EGLN3: variants seen among roughly 807,000 people sequenced by gnomAD.
EGLN3 encodes prolyl hydroxylase EGLN3.
EGLN3 carries 15 observed loss-of-function variants against 26.0 expected under a neutral mutation model. That is an observed-to-expected ratio of 0.58 (90% CI 0.39 to 0.89). The LOEUF is 0.89. Ranked by LOEUF, EGLN3 falls within the 40% of genes least tolerant of loss-of-function variation. The probability of loss-of-function intolerance (pLI) is 0.00; values close to 1 mark genes in which losing one functional copy is unlikely to be tolerated. For synonymous variants in EGLN3, 147 were observed against 127.2 expected (o/e 1.16, Z -1.05); for missense variants, 238 against 311.6 (o/e 0.76, Z 1.78).
chr14:33,942,804 A>G (rs2064492360), intron 1 of EGLN3, among the ~76,000 whole-genome samples: 1 of 152,260 alleles, frequency 6.6e-6, no homozygotes, highest in Non-Finnish European at 1.5e-5. Flanking sequence ...AATGTTTAAT[A>G]TAAGATAGGC....
intron 1 of EGLN3, among the ~76,000 whole-genome samples, chr14:33,939,192 G>T (rs946899163): frequency 6.6e-6 from 1 of 151,094 alleles, no homozygotes; most frequent in Non-Finnish European, 1.5e-5. Flanking sequence ...CATGAAAAAT[G>T]CCTTGAAACA....
intron 3 of EGLN3, 28 bp downstream of exon 3, chr14:33,929,048 G>A (rs1348720311): frequency 6.2e-7 from 1 of 1,611,192 alleles, no homozygotes; most frequent in East Asian, 2.2e-5. Context: ...CCAAGCTCCG[G>A]AAGAGGAATC....
intron 1 of EGLN3, among the ~76,000 whole-genome samples, chr14:33,934,833 T>C (rs2064429807): frequency 6.6e-6 from 1 of 152,264 alleles, no homozygotes; most frequent in Admixed American, 6.5e-5. Context: ...TTATACAAAA[T>C]TTAACTCACC....
At chr14:33,947,615 C>T (rs1302854324) in intron 1 of EGLN3, among the ~76,000 whole-genome samples, 1 of 151,954 alleles carries the variant, frequency 6.6e-6, no homozygotes, top group Non-Finnish European at 1.5e-5. Context: ...TAAGCATAAC[C>T]TCAAGAAATT....
chr14:33,945,871 G>C (rs1459165642), intron 1 of EGLN3, among the ~76,000 whole-genome samples: 1 of 152,178 alleles, frequency 6.6e-6, no homozygotes. Flanking sequence ...GGCCAAAACT[G>C]TTATTGCTCA....
chr14:33,944,436 A>G (rs1246130328), intron 1 of EGLN3, among the ~76,000 whole-genome samples: 1 of 152,176 alleles, frequency 6.6e-6, no homozygotes, highest in African/African-American at 2.4e-5. Flanking sequence ...TCTCTATTAA[A>G]GTACCTTTTA....
At chr14:33,950,279 A>T in intron 1 of EGLN3, 117 bp downstream of exon 1, 1 of 984,190 alleles carries the variant, frequency 1.0e-6, no homozygotes, top group Non-Finnish European at 1.6e-6. Flanking sequence ...AACCAGGCTG[A>T]CTTCTTGGTT....
chr14:33,949,992 T>G, intron 1 of EGLN3: 2 of 427,872 alleles, frequency 4.7e-6, no homozygotes, highest in Admixed American at 4.0e-5. Context: ...TGAAGGGCAG[T>G]ATTAGGTGGC....
intron 1 of EGLN3, among the ~76,000 whole-genome samples, chr14:33,938,877 T>G (rs1680695): frequency 0.27 from 40,684 of 152,074 alleles, 6,303 homozygotes; most frequent in Non-Finnish European, 0.36. Flanking sequence ...CCCTAGAAGT[T>G]ACCCTATGGA....
intron 1 of EGLN3, 105 bp downstream of exon 1, chr14:33,950,291 A>G (rs1253050487): frequency 1.8e-6 from 2 of 1,135,936 alleles, no homozygotes; most frequent in South Asian, 2.5e-5. Context: ...TTCTTGGTTA[A>G]AAAACAAAGT....
At position 33,924,956 on chromosome 14, in the gene EGLN3, A is replaced by AAAAAG. The variant is rs2064350849; in HGVS notation, c.*934_*935insCTTTT. 1 of 150,972 alleles carries AAAAAG rather than the reference A, an allele frequency of 6.6e-6. No homozygotes were observed. Among genetic ancestry groups the AAAAAG allele is most frequent in the Non-Finnish European group, 1.5e-5 (1 of 67,618 alleles). The allele number at this position is 150,972 out of a possible 1,614,324, so 9.4% of individuals were successfully genotyped here. A position where few individuals can be genotyped will look rare whatever the true frequency, so the allele number is the denominator to read the frequency against. On this transcript the variant is annotated 3_prime_UTR_variant, in exon 5 of 5. Coordinates refer to ENST00000250457, the MANE Select transcript of EGLN3 (RefSeq NM_022073.4). Reference sequence around the variant, plus strand: ...AAAGGAAAACTAAAAAAAAAAAAAAAAAAAAAACAGGAACACCCACATTTC... The same window carrying AAAAAG: ...AAAGGAAAACTAAAAAAAAAAAAAAAAAAAGAAAAAAACAGGAACACCCACATTTC...
At chr14:33,937,635 G>A (rs1167622493) in intron 1 of EGLN3, among the ~76,000 whole-genome samples, 2 of 152,114 alleles carry the variant, frequency 1.3e-5, no homozygotes, top group African/African-American at 4.8e-5. Context: ...AATTATTCAT[G>A]AAAATGTTTT....
At chr14:33,939,881 G>A (rs2064470813) in intron 1 of EGLN3, among the ~76,000 whole-genome samples, 1 of 152,150 alleles carries the variant, frequency 6.6e-6, no homozygotes. Flanking sequence ...TTTATCTAAT[G>A]TCTGACATTA....
At chr14:33,928,913 C>T (rs1367220550) in intron 3 of EGLN3, among the ~76,000 whole-genome samples, 163 bp downstream of exon 3, 1 of 152,184 alleles carries the variant, frequency 6.6e-6, no homozygotes, top group Non-Finnish European at 1.5e-5. Flanking sequence ...TGCTAAAGAA[C>T]GCAAAGTTTC....
intron 1 of EGLN3, among the ~76,000 whole-genome samples, chr14:33,936,993 T>C (rs931773540): frequency 6.6e-6 from 1 of 152,208 alleles, no homozygotes; most frequent in Non-Finnish European, 1.5e-5. Flanking sequence ...ATCTCCCTTG[T>C]TCAGGGATAT....
chr14:33,944,326 T>A (rs11850695), intron 1 of EGLN3, among the ~76,000 whole-genome samples: 37,017 of 151,856 alleles, frequency 0.24, 4,614 homozygotes, highest in South Asian at 0.32. Context: ...TTCACCATGT[T>A]GGCCAGGCTG....
intron 1 of EGLN3, among the ~76,000 whole-genome samples, chr14:33,938,621 C>A (rs906183783): frequency 3.3e-5 from 5 of 152,226 alleles, no homozygotes; most frequent in Non-Finnish European, 7.3e-5. Context: ...TGTTTTCAAC[C>A]GGGCTTCCTC....
Position 33,950,588 on chromosome 14 carries a change from G to A in EGLN3, c.165C>T (p.Ala55=). Reference sequence around the variant, plus strand: ...GCCCCGCCAGCTGGCCGTCCCGCAGGGCCCCGGTGCAGTGCAGCTGCTTGA... The same window carrying A: ...GCCCCGCCAGCTGGCCGTCCCGCAGAGCCCCGGTGCAGTGCAGCTGCTTGA... ...ERVKQLHCTG[A]LRDGQLAGPR... The change falls in exon 1 of 5, where the codon GCC becomes GCT. Residue 55 remains alanine, a synonymous_variant. Transcript: ENST00000250457. The A allele has an allele frequency of 6.2e-7, 1 of 1,612,508 alleles. No individual in the cohort carries two copies. Among genetic ancestry groups the A allele is most frequent in the South Asian group, 1.1e-5 (1 of 91,056 alleles).
rs887442735 is a variant in EGLN3, at chr14:33,950,617, G to T, written c.136C>A (p.Arg46Ser). ...GEVVGDCVLE[R>S]VKQLHCTGAL... The stretch of plus-strand genomic sequence containing the variant: ...CCGGTGCAGTGCAGCTGCTTGACGC[G>T]CTCCAGGACGCAGTCGCCCACCACC... The change falls in exon 1 of 5, where the codon CGC (arginine) becomes AGC (serine). Residue 46 changes from arginine (R) to serine (S), a missense_variant. Transcript: ENST00000250457. The T allele has an allele frequency of 8.7e-6, 14 of 1,613,636 alleles. No homozygotes were observed. Among genetic ancestry groups the T allele is most frequent in the Non-Finnish European group, 1.2e-5 (14 of 1,179,938 alleles).
Sources: gnomAD v4.1 joint callset for allele counts (sites outside exome capture counted in the v4.1 genomes callset) on GRCh38, gnomAD v4.1.1 for gene constraint, MANE v1.5 for transcripts, NCBI Gene and HGNC (gene_info 2026-07-23, HGNC 2026-07-21) for gene names.